Variants in HIPK3 observed in about 807,000 individuals in gnomAD.
The protein encoded by HIPK3 is homeodomain interacting protein kinase 3.
In HIPK3, 47 loss-of-function variants were observed where a neutral mutation model predicts 124.2. The ratio of observed to expected loss-of-function variants is 0.38; its 90% CI spans 0.30 to 0.48. HIPK3 has a LOEUF of 0.48. Ranked by LOEUF, HIPK3 falls within the 20% of genes least tolerant of loss-of-function variation. The pLI is 0.98. For missense variants in HIPK3, 1,286 were observed against 1,454.3 expected (o/e 0.88, Z 1.88); for synonymous variants, 482 against 515.2 (o/e 0.94, Z 0.87).
At chr11:33,303,651 T>C (rs971638500) in intron 2 of HIPK3, among the ~76,000 whole-genome samples, 6 of 152,180 alleles carry the variant, frequency 3.9e-5, no homozygotes, top group Non-Finnish European at 7.3e-5. Context: ...TGTGTACCTA[T>C]TTGTTCTGAG....
Position 33,347,732 on chromosome 11 carries a change from C to T in HIPK3, c.2123C>T (p.Ser708Leu), listed in dbSNP as rs1853539284. 1 of 1,614,122 alleles carries T rather than the reference C, an allele frequency of 6.2e-7. No individual in the cohort carries two copies. The highest frequency in any genetic ancestry group is 8.5e-7 in the Non-Finnish European group (1 of 1,179,984). Reference protein sequence around the residue: ...TTLTSESVAGSHRLGDWGKMI... With the variant: ...TTLTSESVAGLHRLGDWGKMI... ...CTAACTTCTGAGAGTGTGGCTGGTT[C>T]ACACAGGCTTGGAGACTGGGGGTAA... The change falls in exon 10 of 17, where the codon TCA (serine) becomes TTA (leucine). Residue 708 changes from serine (S) to leucine (L), a missense_variant. Around this residue, in one of 3 missense-constraint regions of HIPK3, gnomAD observed 810 missense variants for 864.9 expected, o/e 0.94. Transcript: ENST00000303296.
intron 2 of HIPK3, among the ~76,000 whole-genome samples, chr11:33,293,631 C>A (rs1404712306): frequency 6.6e-6 from 1 of 151,850 alleles, no homozygotes; most frequent in Non-Finnish European, 1.5e-5. Context: ...AAATAATAAA[C>A]CATTGTGTAG....
At chr11:33,303,034 T>C (rs1433969252) in intron 2 of HIPK3, among the ~76,000 whole-genome samples, 1 of 152,184 alleles carries the variant, frequency 6.6e-6, no homozygotes, top group Non-Finnish European at 1.5e-5. Context: ...TGCAAACCAG[T>C]CTGATCTGTC....
intron 3 of HIPK3, among the ~76,000 whole-genome samples, chr11:33,334,736 G>A (rs1012766112): frequency 1.3e-5 from 2 of 152,162 alleles, no homozygotes; most frequent in Non-Finnish European, 1.5e-5. Context: ...CCCCTGGGCC[G>A]GGACTTCTGG....
chr11:33,279,356 A>G (rs1851355057), intron 1 of HIPK3, among the ~76,000 whole-genome samples: 2 of 151,444 alleles, frequency 1.3e-5, no homozygotes, highest in South Asian at 2.1e-4. Flanking sequence ...AAAGAGAAGA[A>G]GAAGAACCCT....
intron 1 of HIPK3, among the ~76,000 whole-genome samples, chr11:33,269,996 T>A (rs1340697033): frequency 1.3e-5 from 2 of 152,186 alleles, no homozygotes; most frequent in East Asian, 1.9e-4. Flanking sequence ...ATTATTTTTT[T>A]AAGACAGTTT....
chr11:33,279,742 C>T (rs531782019), intron 1 of HIPK3, among the ~76,000 whole-genome samples: 1 of 152,198 alleles, frequency 6.6e-6, no homozygotes, highest in African/African-American at 2.4e-5. Flanking sequence ...AAGAGCATAA[C>T]CTTATTGTTC....
intron 1 of HIPK3, among the ~76,000 whole-genome samples, chr11:33,265,128 T>G (rs1479605890): frequency 6.6e-6 from 1 of 152,208 alleles, no homozygotes; most frequent in Non-Finnish European, 1.5e-5. Flanking sequence ...CACTTTCTAT[T>G]GAGTTTAAAT....
rs183795131 is a variant in HIPK3, at chr11:33,346,311, G to A, written c.1898-982G>A. 2.0e-5 allele frequency among the ~76,000 whole-genome samples: 3 copies of A among 152,264 alleles called. No individual in the cohort carries two copies. In the East Asian group the frequency reaches 5.8e-4, roughly 29 times the overall value. On this transcript the variant is annotated intron_variant, in intron 8 of 16. Transcript: ENST00000303296. ...TAGTGGGCAAGCAAAATGGTAGCAT[G>A]TTTGTTCTGGAGTTTCAGCTCTCTG...
chr11:33,283,688 T>C (rs559334237), intron 1 of HIPK3, among the ~76,000 whole-genome samples: 1 of 151,852 alleles, frequency 6.6e-6, no homozygotes, highest in South Asian at 2.1e-4. Context: ...TTTTTTTTTC[T>C]TTTGGAGACG....
At chr11:33,316,860 A>G (rs1272914906) in intron 2 of HIPK3, among the ~76,000 whole-genome samples, 2 of 152,208 alleles carry the variant, frequency 1.3e-5, no homozygotes, top group Non-Finnish European at 2.9e-5. Flanking sequence ...GTTCCTTATA[A>G]TAAATAAAAA....
At chr11:33,289,808 C>T (rs1021995363) in intron 2 of HIPK3, among the ~76,000 whole-genome samples, 14 of 152,174 alleles carry the variant, frequency 9.2e-5, no homozygotes, top group Non-Finnish European at 5.9e-5. Context: ...ACTCCCTACC[C>T]CCATCTACTA....
At chr11:33,327,008 A>G (rs1321954808) in intron 2 of HIPK3, among the ~76,000 whole-genome samples, 2 of 152,114 alleles carry the variant, frequency 1.3e-5, no homozygotes, top group Non-Finnish European at 2.9e-5. Context: ...CAAAATAAGT[A>G]ATTATAGTCA....
chr11:33,330,394 T>A (rs1468945483), intron 3 of HIPK3, among the ~76,000 whole-genome samples: 1 of 152,228 alleles, frequency 6.6e-6, no homozygotes, highest in East Asian at 1.9e-4. Flanking sequence ...AGTGGCGTGA[T>A]CTCAGCTCAC....
intron 8 of HIPK3, 75 bp from the exon 9 acceptor site, chr11:33,347,218 G>T: frequency 5.9e-6 from 8 of 1,354,254 alleles, no homozygotes; most frequent in South Asian, 1.4e-5. Flanking sequence ...AGCAATTCTT[G>T]ACATTTAAAA....
intron 1 of HIPK3, among the ~76,000 whole-genome samples, chr11:33,272,768 C>CCCCCCTCCCTCCCACCCTT (rs1851163428): frequency 1.3e-5 from 1 of 75,372 alleles, no homozygotes; most frequent in Non-Finnish European, 2.7e-5. Flanking sequence ...CTCCCTCCCT[C>CCCCCCTCCCTCCCACCCTT]CCTCCTCCCT....
intron 8 of HIPK3, among the ~76,000 whole-genome samples, chr11:33,343,359 C>T (rs1415749193): frequency 6.6e-6 from 1 of 151,380 alleles, no homozygotes; most frequent in African/African-American, 2.4e-5. Context: ...TGGCTCACTG[C>T]ACCTCCACCT....
chr11:33,266,563 C>T (rs548472299), intron 1 of HIPK3, among the ~76,000 whole-genome samples: 1 of 152,162 alleles, frequency 6.6e-6, no homozygotes, highest in East Asian at 1.9e-4. Flanking sequence ...AAAAGTTATT[C>T]AGGCATGGTG....
chr11:33,301,046 T>G (rs2133925956), intron 2 of HIPK3, among the ~76,000 whole-genome samples: 1 of 152,326 alleles, frequency 6.6e-6, no homozygotes, highest in Non-Finnish European at 1.5e-5. Context: ...GTTTGTATAT[T>G]AAAATCATAA....
Sources: gnomAD v4.1 joint callset for allele counts (sites outside exome capture counted in the v4.1 genomes callset) on GRCh38, gnomAD v4.1.1 for gene constraint, gnomAD v4.1.1 regional missense constraint, MANE v1.5 for transcripts, NCBI Gene and HGNC (gene_info 2026-07-23, HGNC 2026-07-21) for gene names.